NR5A2: variants seen among roughly 807,000 people sequenced by gnomAD.
NR5A2 encodes CYP7A promoter-binding factor.
A neutral mutation model predicts 62.7 loss-of-function variants in NR5A2; 26 were observed. The observed-to-expected ratio is 0.41, with a 90% CI of 0.30 to 0.58. The LOEUF (loss-of-function observed/expected upper bound fraction) is 0.58, where lower values mean the gene tolerates loss of function less well. NR5A2 is among the 20% of genes least tolerant of loss of function. NR5A2 has a pLI of 0.22. For missense variants in NR5A2, 541 were observed against 669.1 expected (o/e 0.81, Z 2.11); for synonymous variants, 246 against 241.7 (o/e 1.02, Z -0.16).
At chr1:200,113,726 C>T (rs1367160035) in intron 6 of NR5A2, among the ~76,000 whole-genome samples, 2 of 152,084 alleles carry the variant, frequency 1.3e-5, no homozygotes, top group Non-Finnish European at 2.9e-5. Flanking sequence ...ATTATAAATA[C>T]TTCCCTGAGT....
chr1:200,054,998 G>A (rs1571723399), intron 5 of NR5A2, among the ~76,000 whole-genome samples: 2 of 151,686 alleles, frequency 1.3e-5, no homozygotes, highest in East Asian at 3.9e-4. Context: ...GTGGCCTCAA[G>A]CCATCTTCCC....
At chr1:200,061,167 G>C (rs1571733098) in intron 5 of NR5A2, among the ~76,000 whole-genome samples, 2 of 148,358 alleles carry the variant, frequency 1.3e-5, no homozygotes, top group Non-Finnish European at 3.0e-5. Context: ...CCCAGGACTT[G>C]TTGAAATGCT....
At chr1:200,087,631 G>A (rs1190853044) in intron 5 of NR5A2, among the ~76,000 whole-genome samples, 2 of 151,976 alleles carry the variant, frequency 1.3e-5, no homozygotes, top group Non-Finnish European at 2.9e-5. Flanking sequence ...TCTTGACCTC[G>A]TGATCTGCCT....
chr1:200,112,261 G>C (rs140185957), intron 6 of NR5A2, among the ~76,000 whole-genome samples: 1 of 152,284 alleles, frequency 6.6e-6, no homozygotes, highest in African/African-American at 2.4e-5. Context: ...TCTTTGGAGA[G>C]AGTCTACTTA....
rs758038142 is a variant in NR5A2, at chr1:200,045,614, T to A, written c.463+30T>A. On this transcript the variant is annotated intron_variant, in intron 4 of 7. Transcript: ENST00000367362. ...GATTCTTCTAAAGACTACTGCCTATTAAAACTCTCCAAGGACATGAACTGT... is the reference window on the plus strand; with the variant it reads ...GATTCTTCTAAAGACTACTGCCTATAAAAACTCTCCAAGGACATGAACTGT... 102 of 1,581,964 alleles carry A rather than the reference T, an allele frequency of 6.4e-5. No homozygotes were observed. In the South Asian group the frequency reaches 1.1e-3, roughly 17 times the overall value.
Position 200,039,806 on chromosome 1 carries a change from G to A in NR5A2, c.202+11G>A, listed in dbSNP as rs768241915. 1.3e-6 allele frequency: 2 copies of A among 1,591,230 alleles called. No homozygotes were observed. Among genetic ancestry groups the A allele is most frequent in the South Asian group, 1.1e-5 (1 of 89,314 alleles). On this transcript the variant is annotated intron_variant, in intron 2 of 7. Coordinates refer to ENST00000367362, the MANE Select transcript of NR5A2 (RefSeq NM_205860.3). The surrounding 1 kb of genome is among the most constrained non-coding windows in gnomAD (Gnocchi z 5.1). ...CGGAAAACATGCAAGGTAAGGAGGC[G>A]CCGCGCGGCGCTCCGGCTCCCGCTG...
At position 200,039,875 on chromosome 1, in the gene NR5A2, C is replaced by T. The variant is rs1390310601; in HGVS notation, c.202+80C>T. 2 of 1,461,670 alleles carry T rather than the reference C, an allele frequency of 1.4e-6. No homozygotes were observed. The highest frequency in any genetic ancestry group is 1.5e-5 in the African/African-American group (1 of 66,036). The allele number at this position is 1,461,670 out of a possible 1,614,324, so 90.5% of individuals were successfully genotyped here. A position where few individuals can be genotyped will look rare whatever the true frequency, so the allele number is the denominator to read the frequency against. On this transcript the variant is annotated intron_variant, in intron 2 of 7. Coordinates refer to ENST00000367362, the MANE Select transcript of NR5A2 (RefSeq NM_205860.3). This position sits in a 1 kb window ranked among gnomAD's most constrained non-coding sequence, Gnocchi z 5.1. ...CGCCCTGCAGGCTTCAGCCTCCCGC[C>T]CCGCGCGGGCGCGGGAGTAGCCCCG...
At chr1:200,040,841 T>C (rs1662034254) in intron 2 of NR5A2, among the ~76,000 whole-genome samples, 1 of 152,218 alleles carries the variant, frequency 6.6e-6, no homozygotes, top group African/African-American at 2.4e-5. Flanking sequence ...GTAGTCGCCC[T>C]ACCGCGGAGG....
intron 7 of NR5A2, among the ~76,000 whole-genome samples, chr1:200,136,256 T>C (rs1160030496): frequency 6.6e-6 from 1 of 151,990 alleles, no homozygotes; most frequent in Non-Finnish European, 1.5e-5. Context: ...TCTCACTCTG[T>C]CACCCAGGCT....
rs761428455 is a variant in NR5A2, at chr1:200,120,915, A to G, written c.1338A>G (p.Arg446=). The change falls in exon 7 of 8, where the codon CGA becomes CGG. Residue 446 remains arginine (R), a synonymous_variant. Coordinates refer to ENST00000367362, the MANE Select transcript of NR5A2 (RefSeq NM_205860.3). ...AKLRSLQFDQ[R]EFVCLKFLVL... Reference sequence around the variant, plus strand: ...TTCGTTCTCTCCAGTTTGATCAACGAGAGTTCGTATGTCTGAAATTCTTGG... The same window carrying G: ...TTCGTTCTCTCCAGTTTGATCAACGGGAGTTCGTATGTCTGAAATTCTTGG... 6 of 1,613,984 alleles carry G rather than the reference A, an allele frequency of 3.7e-6. No individual in the cohort carries two copies. The highest frequency in any genetic ancestry group is 5.1e-6 in the Non-Finnish European group (6 of 1,179,952).
In NR5A2 at chr1:200,113,936, T is replaced by C. The variant is rs183473766; in HGVS notation, c.1230+2615T>C. On this transcript the variant is annotated intron_variant, in intron 6 of 7. Transcript: ENST00000367362. ...TGGCTCACGCCTGTAATCCCAGCGC[T>C]TTGGGAGGCTGAGGCGGGTGGGTCA... 9.2e-3 allele frequency among the ~76,000 whole-genome samples: 1,406 copies of C among 152,208 alleles called. 15 individuals are homozygous for C. The highest frequency in any genetic ancestry group is 0.032 in the African/African-American group (1,350 of 41,540).
At chr1:200,127,805 G>C (rs1182035057) in intron 7 of NR5A2, among the ~76,000 whole-genome samples, 1 of 145,920 alleles carries the variant, frequency 6.9e-6, no homozygotes, top group African/African-American at 2.5e-5. Context: ...CAGGGTAGAT[G>C]GCAGGACTTG....
At chr1:200,105,323 G>GA (rs144576913) in intron 5 of NR5A2, among the ~76,000 whole-genome samples, 1,647 of 150,826 alleles carry the variant, frequency 0.011, 32 homozygotes, top group African/African-American at 0.038. Flanking sequence ...CACTGAGAGA[G>GA]AAAAAAAAAG....
intron 7 of NR5A2, among the ~76,000 whole-genome samples, chr1:200,133,204 G>A (rs938975050): frequency 2.6e-5 from 4 of 152,026 alleles, no homozygotes; most frequent in African/African-American, 9.7e-5. Context: ...TCCCAGAAAC[G>A]TGGGGAATGT....
At chr1:200,129,412 G>A (rs1666865579) in intron 7 of NR5A2, among the ~76,000 whole-genome samples, 1 of 152,238 alleles carries the variant, frequency 6.6e-6, no homozygotes, top group African/African-American at 2.4e-5. Context: ...ACAAAAGGCT[G>A]CTGTGTTAAC....
At chr1:200,133,690 A>T (rs1471978585) in intron 7 of NR5A2, among the ~76,000 whole-genome samples, 1 of 151,064 alleles carries the variant, frequency 6.6e-6, no homozygotes, top group African/African-American at 2.4e-5. Flanking sequence ...ACTATAATGG[A>T]GGTGAAAAAT....
chr1:200,103,508 T>A (rs899172311), intron 5 of NR5A2, among the ~76,000 whole-genome samples: 1 of 152,194 alleles, frequency 6.6e-6, no homozygotes, highest in Admixed American at 6.5e-5. Context: ...ATAAGAAAGA[T>A]GCCTACAGCA....
intron 5 of NR5A2, among the ~76,000 whole-genome samples, chr1:200,055,226 A>C (rs1571723800): frequency 4.9e-5 from 6 of 122,618 alleles, no homozygotes; most frequent in South Asian, 2.6e-4. Context: ...ACGGAGTTTC[A>C]CTCTTGTTGC....
chr1:200,101,655 T>C (rs1467504282), intron 5 of NR5A2, among the ~76,000 whole-genome samples: 1 of 152,204 alleles, frequency 6.6e-6, no homozygotes, highest in Non-Finnish European at 1.5e-5. Context: ...CTTTCAAAAA[T>C]AGTCCCATTA....
Sources: gnomAD v4.1 joint callset for allele counts (sites outside exome capture counted in the v4.1 genomes callset) on GRCh38, gnomAD v4.1.1 for gene constraint, Gnocchi (gnomAD v3.1) non-coding constraint, MANE v1.5 for transcripts, NCBI Gene and HGNC (gene_info 2026-07-23, HGNC 2026-07-21) for gene names.